TMEM229B: variants seen among roughly 807,000 people sequenced by gnomAD.
TMEM229B encodes the protein chromosome 14 open reading frame 83.
TMEM229B carries 6 observed loss-of-function variants against 13.7 expected under a neutral mutation model. The observed-to-expected ratio is 0.44, with a 90% CI of 0.24 to 0.86. The LOEUF is 0.86. TMEM229B is among the 40% of genes least tolerant of loss of function. The pLI is 0.23. For synonymous variants in TMEM229B, 107 were observed against 102.1 expected, an observed-to-expected ratio of 1.05 and a Z score of -0.29; for missense variants, 170 against 236.0, an observed-to-expected ratio of 0.72 and a Z score of 1.83.
chr14:67,512,532 A>G (rs2033060825), intron 1 of TMEM229B, among the ~76,000 whole-genome samples: 1 of 152,164 alleles, frequency 6.6e-6, no homozygotes, highest in South Asian at 2.1e-4. Context: ...GGAGGTAGGG[A>G]GATGGGGGAG....
intron 2 of TMEM229B, among the ~76,000 whole-genome samples, chr14:67,479,606 T>C (rs1196774098): frequency 1.3e-5 from 2 of 151,874 alleles, no homozygotes; most frequent in Non-Finnish European, 2.9e-5. Context: ...TAATCCCAGC[T>C]ACTCGGGAGG....
chr14:67,493,833 A>T (rs905539550), intron 1 of TMEM229B, among the ~76,000 whole-genome samples: 1 of 152,208 alleles, frequency 6.6e-6, no homozygotes, highest in Admixed American at 6.5e-5. Context: ...TGTCAGTCTG[A>T]AATTGACAGG....
At chr14:67,495,846 T>C (rs1395845858) in intron 1 of TMEM229B, among the ~76,000 whole-genome samples, 1 of 152,270 alleles carries the variant, frequency 6.6e-6, no homozygotes, top group Admixed American at 6.5e-5. Flanking sequence ...TCACACTGCC[T>C]GACTTAGGCC....
At chr14:67,500,966 G>A (rs1184286589) in intron 1 of TMEM229B, among the ~76,000 whole-genome samples, 2 of 151,556 alleles carry the variant, frequency 1.3e-5, no homozygotes, top group Non-Finnish European at 2.9e-5. Context: ...TCTTCCAGAT[G>A]AAAGTAGAAG....
chr14:67,523,984 G>A (rs1199737121), intron 1 of TMEM229B, among the ~76,000 whole-genome samples: 1 of 152,184 alleles, frequency 6.6e-6, no homozygotes, highest in Non-Finnish European at 1.5e-5. Context: ...AGAACACAGA[G>A]GGGATGAATC....
chr14:67,525,729 GA>G (rs1158493944), intron 1 of TMEM229B, among the ~76,000 whole-genome samples: 1 of 152,202 alleles, frequency 6.6e-6, no homozygotes, highest in East Asian at 1.9e-4. Flanking sequence ...TATATTTACA[GA>G]AAGTTACTTT....
intron 1 of TMEM229B, among the ~76,000 whole-genome samples, chr14:67,532,663 G>A (rs575753650): frequency 7.2e-5 from 11 of 152,084 alleles, no homozygotes; most frequent in African/African-American, 1.2e-4. Context: ...GTCCAGCCTG[G>A]GCAACATAGC....
In TMEM229B at chr14:67,511,157, G is replaced by C. The variant is rs181594344; in HGVS notation, c.-192+3929C>G. On this transcript the variant is annotated intron_variant, in intron 1 of 2. Transcript: ENST00000357461. ...CTCTTAATAACTGAAAGGAAACAATGAATGAATGGGCCAGCTAGATGGCAT... is the reference window on the plus strand; with the variant it reads ...CTCTTAATAACTGAAAGGAAACAATCAATGAATGGGCCAGCTAGATGGCAT... 5.3e-5 allele frequency among the ~76,000 whole-genome samples: 8 copies of C among 152,192 alleles called. No homozygotes were observed. The East Asian group carries it at 1.5e-3, about 29-fold the overall frequency.
upstream of TMEM229B, among the ~76,000 whole-genome samples, chr14:67,515,983 A>C (rs2033192132): frequency 1.3e-5 from 2 of 152,260 alleles, no homozygotes; most frequent in Non-Finnish European, 2.9e-5. Context: ...TATACCATAA[A>C]GGTTACAGAG....
intron 1 of TMEM229B, among the ~76,000 whole-genome samples, chr14:67,530,345 C>G (rs2033426166): frequency 6.6e-6 from 1 of 152,186 alleles, no homozygotes; most frequent in African/African-American, 2.4e-5. Flanking sequence ...GCCCCAAGGT[C>G]CCACCACCAC....
rs553977619 is a variant in TMEM229B at position 67,500,726 on chromosome 14, C to A, written c.-191-13554G>T. On this transcript the variant is annotated intron_variant, in intron 1 of 2. Coordinates refer to the TMEM229B transcript ENST00000357461. ...AGCTGAGACTACAGGCGCCCGCCAC[C>A]ACGCCCGGCTAATTTTTTGTATTTT... is the stretch of plus-strand genomic sequence containing the variant. 7.3e-5 allele frequency among the ~76,000 whole-genome samples: 11 copies of A among 151,640 alleles called. No individual in the cohort carries two copies. The East Asian group carries it at 2.2e-3, about 30-fold the overall frequency.
chr14:67,508,821 C>T (rs2032931384), intron 1 of TMEM229B, among the ~76,000 whole-genome samples: 1 of 141,206 alleles, frequency 7.1e-6, no homozygotes, highest in South Asian at 2.4e-4. Flanking sequence ...TCCCAATCTA[C>T]TAGCTGGTCA....
At chr14:67,481,376 G>C (rs1007556842) in intron 2 of TMEM229B, among the ~76,000 whole-genome samples, 13 of 152,216 alleles carry the variant, frequency 8.5e-5, no homozygotes, top group Non-Finnish European at 1.6e-4. Context: ...CTGGGCAGCA[G>C]GAAGCCATGG....
At chr14:67,485,757 G>A (rs1046930051) in intron 2 of TMEM229B, among the ~76,000 whole-genome samples, 3 of 152,370 alleles carry the variant, frequency 2.0e-5, no homozygotes, top group African/African-American at 7.2e-5. Flanking sequence ...AGGCTGGAAA[G>A]AAAGGCCTGT....
upstream of TMEM229B, among the ~76,000 whole-genome samples, chr14:67,493,267 C>T (rs1176097873): frequency 6.6e-6 from 1 of 152,188 alleles, no homozygotes; most frequent in Non-Finnish European, 1.5e-5. Flanking sequence ...CTCCCTATCT[C>T]TGTTGCACCC....
intron 1 of TMEM229B, among the ~76,000 whole-genome samples, chr14:67,523,018 G>T (rs1204328520): frequency 6.6e-6 from 1 of 152,134 alleles, no homozygotes; most frequent in East Asian, 1.9e-4. Flanking sequence ...TTGAGAACTG[G>T]GCTCCTGACT....
At chr14:67,522,321 A>G (rs2033304093) in intron 1 of TMEM229B, among the ~76,000 whole-genome samples, 1 of 152,208 alleles carries the variant, frequency 6.6e-6, no homozygotes. Context: ...GGCAAATTTA[A>G]AAGAATTTCT....
In TMEM229B at chr14:67,471,381, C is replaced by G. The variant is rs1052737046; in HGVS notation, c.*2039G>C. On this transcript the variant is annotated 3_prime_UTR_variant, in exon 3 of 3. Transcript: ENST00000554480. ...CCCACATGGAAGGCCTGAAGGGGTG[C>G]TGGGAGACTAAGACAACATGGAGTT... 1 of 152,212 alleles carries G rather than the reference C, an allele frequency of 6.6e-6. No homozygotes were observed. Among genetic ancestry groups the G allele is most frequent in the African/African-American group, 2.4e-5 (1 of 41,428 alleles). 9.4% of individuals were successfully genotyped at this position (152,212 alleles called of 1,614,324 possible). A position where few individuals can be genotyped will look rare whatever the true frequency, so the allele number is the denominator to read the frequency against.
At chr14:67,515,148 G>A (rs1360467569) in exon 1 of TMEM229B, 4 of 152,484 alleles carry the variant, frequency 2.6e-5, no homozygotes, top group African/African-American at 9.7e-5. Context: ...AGGCGCAGGT[G>A]CGGCTAGGAG....
Sources: allele counts gnomAD v4.1 joint callset (sites outside exome capture counted in the v4.1 genomes callset), GRCh38; gene constraint gnomAD v4.1.1; transcripts MANE v1.5; gene names NCBI Gene and HGNC (gene_info 2026-07-23, HGNC 2026-07-21).